Variants in MAPT observed in about 807,000 individuals in gnomAD.
MAPT encodes the protein microtubule associated protein tau.
Under a neutral mutation model 67.9 loss-of-function variants are expected in MAPT, and 34 were observed. That is an observed-to-expected ratio of 0.50 (90% CI 0.38 to 0.67). The LOEUF is 0.67. Among genes scored for constraint, MAPT ranks in the 30% least tolerant of loss-of-function variants. MAPT has a pLI of 0.00. For missense variants in MAPT, 881 were observed against 1,115.2 expected, an observed-to-expected ratio of 0.79 and a Z score of 2.99; for synonymous variants, 456 against 464.5, an observed-to-expected ratio of 0.98 and a Z score of 0.23.
At chr17:45,994,908 C>T (rs561290823) in intron 8 of MAPT, among the ~76,000 whole-genome samples, 5 of 152,162 alleles carry the variant, frequency 3.3e-5, no homozygotes, top group African/African-American at 9.6e-5. Flanking sequence ...ATTAGCCAGG[C>T]GTGGTGCTGC....
At position 45,983,065 on chromosome 17, in the gene MAPT, T is replaced by C; in HGVS notation, c.486T>C (p.Pro162=). 1 of 1,531,372 alleles carries C rather than the reference T, an allele frequency of 6.5e-7. No homozygotes were observed. The highest frequency in any genetic ancestry group is 2.0e-5 in the Admixed American group (1 of 49,622). The allele number at this position is 1,531,372 out of a possible 1,614,324, so 94.9% of individuals were successfully genotyped here. The part of the protein sequence containing the change: ...PQHRPVCPAP[P]PTGGPQEPSL... ...ACCGTCCCGTTTGCCCAGCGCCTCC[T>C]CCAACAGGAGGCCCTCAGGAGCCCT... Residue 162 remains proline (P), a synonymous_variant, in exon 5 of 13, where the codon CCT becomes CCC. Transcript: ENST00000262410.
chr17:45,935,144 C>CT (rs1036620356), intron 1 of MAPT, among the ~76,000 whole-genome samples: 1 of 152,072 alleles, frequency 6.6e-6, no homozygotes, highest in Non-Finnish European at 1.5e-5. Flanking sequence ...CTTTTGACAG[C>CT]TAATGGTGTG....
At chr17:45,945,356 A>C (rs1246596634) in intron 1 of MAPT, among the ~76,000 whole-genome samples, 5 of 152,236 alleles carry the variant, frequency 3.3e-5, no homozygotes, top group Non-Finnish European at 5.9e-5. Flanking sequence ...TGTGTGGCTA[A>C]AAAGGGATCG....
intron 2 of MAPT, among the ~76,000 whole-genome samples, chr17:45,970,415 C>T (rs940487670): frequency 3.9e-5 from 6 of 152,194 alleles, no homozygotes; most frequent in African/African-American, 1.2e-4. Flanking sequence ...TCCATCCATC[C>T]GTCCGTCCAC....
chr17:45,973,550 T>G (rs1234088253), intron 3 of MAPT: 1 of 152,260 alleles, frequency 6.6e-6, no homozygotes, highest in Non-Finnish European at 1.5e-5. Flanking sequence ...GGATCTTGCC[T>G]GGTTGCTCCG....
chr17:45,958,638 T>C (rs1473639014), intron 1 of MAPT, among the ~76,000 whole-genome samples: 2 of 151,776 alleles, frequency 1.3e-5, no homozygotes, highest in African/African-American at 4.8e-5. Context: ...GGTGGATCAC[T>C]TGAGCCCGGG....
chr17:46,024,454 TC>T lies in MAPT; in HGVS notation c.*284del. 2 of 531,360 alleles carry T rather than the reference TC, an allele frequency of 3.8e-6. No individual in the cohort carries two copies. The highest frequency in any genetic ancestry group is 6.5e-5 in the East Asian group (2 of 30,660). The allele number at this position is 531,360 out of a possible 1,614,324, so 32.9% of individuals were successfully genotyped here. The stretch of plus-strand genomic sequence containing the variant: ...AAACATGGCCACATCCAACATTTCC[TC>T]AGGCAATTCCTTTTGATTCTTTTTT... On this transcript the variant is annotated 3_prime_UTR_variant, in exon 13 of 13. Coordinates refer to ENST00000262410, the MANE Select transcript of MAPT (RefSeq NM_001377265.1).
chr17:45,915,890 C>T lies in MAPT; in HGVS notation c.-18+21204C>T, dbSNP rs2065171114. 6.6e-6 allele frequency among the ~76,000 whole-genome samples: 1 copy of T among 152,200 alleles called. No homozygotes were observed. Among genetic ancestry groups the T allele is most frequent in the African/African-American group, 2.4e-5 (1 of 41,436 alleles). On this transcript the variant is annotated intron_variant, in intron 1 of 12. Coordinates refer to ENST00000262410, the MANE Select transcript of MAPT (RefSeq NM_001377265.1). This position sits in a 1 kb window ranked among gnomAD's most constrained non-coding sequence, Gnocchi z 4.4. Reference sequence around the variant, plus strand: ...ATGCCAAATCCTTTTATATCAAAAACAACCAGAACACTCTCTTTTCTCTTA... The same window carrying T: ...ATGCCAAATCCTTTTATATCAAAAATAACCAGAACACTCTCTTTTCTCTTA...
At chr17:45,941,728 T>TTCCCCCCTTCCC (rs2068000973) in intron 1 of MAPT, among the ~76,000 whole-genome samples, 1 of 136,402 alleles carries the variant, frequency 7.3e-6, no homozygotes, top group Non-Finnish European at 1.6e-5. Flanking sequence ...CCTTCCTTCC[T>TTCCCCCCTTCCC]TCCTTCCTTC....
intron 3 of MAPT, chr17:45,978,112 C>T (rs2072562989): frequency 3.9e-6 from 2 of 513,570 alleles, no homozygotes; most frequent in East Asian, 6.9e-5. Context: ...GGACCCTGGT[C>T]CCAAAGTGGA....
chr17:45,905,304 C>T (rs2064229952), intron 1 of MAPT, among the ~76,000 whole-genome samples: 1 of 152,192 alleles, frequency 6.6e-6, no homozygotes. Context: ...TTCAGTTCTT[C>T]CTTTAGTGGT....
rs2068563490 is a variant in MAPT at position 45,946,846 on chromosome 17, T to C, written c.-17-15475T>C. 2.0e-5 allele frequency among the ~76,000 whole-genome samples: 3 copies of C among 151,978 alleles called. No individual in the cohort carries two copies. In the South Asian group the frequency reaches 6.2e-4, roughly 32 times the overall value. On this transcript the variant is annotated intron_variant, in intron 1 of 12. Transcript: ENST00000262410. ...TCTCAGACACAATCTGGGAATTTTCTCATGACAGTGGGCATTAGCCAACTG... is the reference window on the plus strand; with the variant it reads ...TCTCAGACACAATCTGGGAATTTTCCCATGACAGTGGGCATTAGCCAACTG...
At chr17:45,941,328 T>C (rs993479701) in intron 1 of MAPT, among the ~76,000 whole-genome samples, 1 of 152,164 alleles carries the variant, frequency 6.6e-6, no homozygotes, top group African/African-American at 2.4e-5. Flanking sequence ...TCCTTGATGA[T>C]TTTGATGGTC....
intron 2 of MAPT, among the ~76,000 whole-genome samples, chr17:45,970,513 C>G (rs2071555130): frequency 3.3e-5 from 5 of 152,204 alleles, no homozygotes. Flanking sequence ...CAGGGCTGCC[C>G]CCATAAACAT....
intron 1 of MAPT, among the ~76,000 whole-genome samples, chr17:45,937,274 G>C (rs979998086): frequency 1.3e-5 from 2 of 152,136 alleles, no homozygotes; most frequent in African/African-American, 4.8e-5. Flanking sequence ...GAAGCTAGTA[G>C]GTGCTGACAG....
intron 1 of MAPT, among the ~76,000 whole-genome samples, chr17:45,945,337 G>T (rs1180890696): frequency 1.3e-5 from 2 of 152,202 alleles, no homozygotes; most frequent in Non-Finnish European, 2.9e-5. Flanking sequence ...TGTTATTAAG[G>T]GAAGAATATG....
chr17:45,926,808 TC>T (rs1009791058), intron 1 of MAPT, among the ~76,000 whole-genome samples: 1 of 151,822 alleles, frequency 6.6e-6, no homozygotes, highest in Non-Finnish European at 1.5e-5. Flanking sequence ...AAACATTACT[TC>T]CCCCAGGAAA....
At chr17:46,022,074 G>T (rs556286415) in intron 12 of MAPT, among the ~76,000 whole-genome samples, 1 of 152,230 alleles carries the variant, frequency 6.6e-6, no homozygotes, top group South Asian at 2.1e-4. Flanking sequence ...ACAGTAACAG[G>T]TCAGGCATGG....
Position 45,989,982 on chromosome 17 carries a change from T to C in MAPT, c.1512T>C (p.Pro504=), listed in dbSNP as rs2073933622. ...SSDPLIQPSS[P]AVCPEPPSSP... is the part of the protein sequence containing the mutation. The stretch of plus-strand genomic sequence containing the variant: ...ACCCTCTGATCCAACCCTCCAGCCC[T>C]GCTGTGTGCCCAGAGCCACCTTCCT... The change falls in exon 7 of 13, where the codon CCT becomes CCC. Residue 504 remains proline, a synonymous_variant. Coordinates refer to ENST00000262410, the MANE Select transcript of MAPT (RefSeq NM_001377265.1). The C allele has an allele frequency of 1.2e-6, 2 of 1,614,058 alleles. No individual in the cohort carries two copies. Among genetic ancestry groups the C allele is most frequent in the African/African-American group, 1.3e-5 (1 of 74,936 alleles).
Sources: gnomAD v4.1 joint callset for allele counts (sites outside exome capture counted in the v4.1 genomes callset) on GRCh38, gnomAD v4.1.1 for gene constraint, Gnocchi (gnomAD v3.1) non-coding constraint, MANE v1.5 for transcripts, NCBI Gene and HGNC (gene_info 2026-07-23, HGNC 2026-07-21) for gene names.